ASCC3: variants seen among roughly 807,000 people sequenced by gnomAD.
The protein encoded by ASCC3 is ASC-1 complex subunit P200.
In ASCC3, 158 loss-of-function variants were observed where a neutral mutation model predicts 256.3. The observed-to-expected ratio is 0.62, with a 90% CI of 0.54 to 0.70. ASCC3 has a LOEUF of 0.70. ASCC3 is among the 30% of genes least tolerant of loss of function. The probability of loss-of-function intolerance (pLI) is 0.00; values close to 1 mark genes in which losing one functional copy is unlikely to be tolerated. For synonymous variants in ASCC3, 948 were observed against 883.4 expected (o/e 1.07, Z -1.30); for missense variants, 2,259 against 2,626.0 (o/e 0.86, Z 3.05).
chr6:100,539,145 A>G (rs1775313234), intron 37 of ASCC3, among the ~76,000 whole-genome samples: 1 of 152,036 alleles, frequency 6.6e-6, no homozygotes, highest in African/African-American at 2.4e-5. Flanking sequence ...AATCAACCTC[A>G]CCCATACTAA....
At chr6:100,622,812 T>TA (rs1382578657) in intron 30 of ASCC3, among the ~76,000 whole-genome samples, 1 of 151,474 alleles carries the variant, frequency 6.6e-6, no homozygotes, top group Admixed American at 6.6e-5. Context: ...TTTCTGCCGA[T>TA]AAAAAAAATA....
At chr6:100,584,063 G>A (rs1771486621) in intron 36 of ASCC3, among the ~76,000 whole-genome samples, 1 of 151,634 alleles carries the variant, frequency 6.6e-6, no homozygotes. Context: ...TGTATATTCT[G>A]TTGATTTGGG....
chr6:100,675,271 A>G (rs903007538), intron 14 of ASCC3, among the ~76,000 whole-genome samples: 9 of 152,134 alleles, frequency 5.9e-5, no homozygotes, highest in Non-Finnish European at 1.5e-5. Context: ...GCAGGGAAAG[A>G]ATAAACTCTG....
chr6:100,524,581 T>C (rs1774469880), intron 37 of ASCC3, among the ~76,000 whole-genome samples: 1 of 152,118 alleles, frequency 6.6e-6, no homozygotes, highest in East Asian at 1.9e-4. Flanking sequence ...AGAGGTAGGT[T>C]GAAGGGTGGA....
chr6:100,717,897 T>C (rs973825514), intron 12 of ASCC3, among the ~76,000 whole-genome samples, 178 bp downstream of exon 12: 3 of 152,106 alleles, frequency 2.0e-5, no homozygotes, highest in Non-Finnish European at 4.4e-5. Flanking sequence ...GTTGAGGAAG[T>C]ATGCTTGATT....
chr6:100,572,914 G>C (rs1319927619), intron 36 of ASCC3, among the ~76,000 whole-genome samples: 1 of 152,000 alleles, frequency 6.6e-6, no homozygotes, highest in Non-Finnish European at 1.5e-5. Flanking sequence ...ACATGTCAAT[G>C]CTTTAAAATT....
intron 25 of ASCC3, 52 bp from the exon 26 acceptor site, chr6:100,631,265 T>A (rs1156642998): frequency 1.4e-6 from 2 of 1,427,734 alleles, no homozygotes; most frequent in African/African-American, 2.8e-5. Context: ...GTGATAGCAT[T>A]TTGAAATAAA....
intron 30 of ASCC3, among the ~76,000 whole-genome samples, chr6:100,609,537 A>T (rs1773282998): frequency 6.6e-6 from 1 of 152,042 alleles, no homozygotes; most frequent in Non-Finnish European, 1.5e-5. Flanking sequence ...AACATGGAAA[A>T]TACTTAAAGT....
chr6:100,824,910 G>T (rs1344720400), intron 4 of ASCC3, among the ~76,000 whole-genome samples: 2 of 151,962 alleles, frequency 1.3e-5, no homozygotes, highest in South Asian at 2.1e-4. Context: ...TTTCTTTTTG[G>T]TTTTTTTGCA....
intron 24 of ASCC3, among the ~76,000 whole-genome samples, chr6:100,640,855 A>G (rs1180452261): frequency 1.3e-5 from 2 of 152,216 alleles, no homozygotes; most frequent in Non-Finnish European, 1.5e-5. Flanking sequence ...CAAAAATGGC[A>G]AAGTTTAAAG....
chr6:100,557,239 TAGGTC>T (rs1455056900), intron 36 of ASCC3, among the ~76,000 whole-genome samples: 1 of 152,164 alleles, frequency 6.6e-6, no homozygotes, highest in African/African-American at 2.4e-5. Flanking sequence ...GGTGGAGGGT[TAGGTC>T]ACTGATTTGA....
At chr6:100,829,620 A>G (rs1771519398) in intron 4 of ASCC3, among the ~76,000 whole-genome samples, 1 of 152,144 alleles carries the variant, frequency 6.6e-6, no homozygotes, top group African/African-American at 2.4e-5. Context: ...GGCCTTGGCC[A>G]GCCCAGAAAG....
chr6:100,824,188 T>C (rs1354734345), intron 4 of ASCC3, among the ~76,000 whole-genome samples: 1 of 152,180 alleles, frequency 6.6e-6, no homozygotes, highest in Middle Eastern at 3.2e-3. Context: ...TATATCCAAG[T>C]AAAACACAAT....
chr6:100,513,970 T>C (rs986943504), intron 39 of ASCC3, among the ~76,000 whole-genome samples: 1 of 152,114 alleles, frequency 6.6e-6, no homozygotes, highest in Non-Finnish European at 1.5e-5. Context: ...CATGGTACTT[T>C]AATTTTGGTT....
At chr6:100,630,170 T>C (rs1774463816) in intron 26 of ASCC3, among the ~76,000 whole-genome samples, 1 of 152,116 alleles carries the variant, frequency 6.6e-6, no homozygotes, top group East Asian at 1.9e-4. Flanking sequence ...GTTACAGGCA[T>C]GAGCCACCAC....
At chr6:100,838,855 C>T (rs1438463842) in intron 4 of ASCC3, among the ~76,000 whole-genome samples, 1 of 151,884 alleles carries the variant, frequency 6.6e-6, no homozygotes, top group Non-Finnish European at 1.5e-5. Flanking sequence ...TATGTATGTG[C>T]TCATGCATGC....
At chr6:100,780,787 A>G (rs773805658) in intron 8 of ASCC3, among the ~76,000 whole-genome samples, 17 of 152,096 alleles carry the variant, frequency 1.1e-4, no homozygotes, top group Non-Finnish European at 2.4e-4. Context: ...TGACTCAATC[A>G]CTCATACTTA....
chr6:100,661,497 T>C (rs78300935), intron 16 of ASCC3, among the ~76,000 whole-genome samples: 245 of 152,022 alleles, frequency 1.6e-3, no homozygotes, highest in Non-Finnish European at 3.0e-3. Flanking sequence ...AAAAGTGCCA[T>C]ACAAATATTA....
intron 14 of ASCC3, among the ~76,000 whole-genome samples, chr6:100,671,722 C>T (rs868432224): frequency 3.9e-5 from 6 of 151,984 alleles, no homozygotes; most frequent in Admixed American, 6.6e-5. Flanking sequence ...CTTCTTTCCA[C>T]GACTTTACAT....
Sources: allele counts gnomAD v4.1 joint callset (sites outside exome capture counted in the v4.1 genomes callset), GRCh38; gene constraint gnomAD v4.1.1; transcripts MANE v1.5; gene names NCBI Gene and HGNC (gene_info 2026-07-23, HGNC 2026-07-21).